The following RAPGEF6 variants were observed in gnomAD, a reference collection of about 807,000 sequenced individuals.
The protein encoded by RAPGEF6 is PDZ domain containing guanine nucleotide exchange factor (GEF) 2.
Under a neutral mutation model 171.4 loss-of-function variants are expected in RAPGEF6, and 56 were observed. The ratio of observed to expected loss-of-function variants is 0.33; its 90% CI spans 0.26 to 0.41. The LOEUF is 0.41. Among genes scored for constraint, RAPGEF6 ranks in the 10% least tolerant of loss-of-function variants. The pLI is 1.00. For missense variants in RAPGEF6, 1,674 were observed against 1,921.4 expected, an observed-to-expected ratio of 0.87 and a Z score of 2.41; for synonymous variants, 692 against 650.1, an observed-to-expected ratio of 1.06 and a Z score of -0.98.
Position 131,612,201 on chromosome 5 carries a change from ATTTTTTTTTT to A in RAPGEF6, c.70-7518_70-7509del, listed in dbSNP as rs35306366. 9.6e-5 allele frequency among the ~76,000 whole-genome samples: 8 copies of A among 83,328 alleles called. 1 individual carries two copies. The highest frequency in any genetic ancestry group is 4.4e-4 in the South Asian group (1 of 2,250). The allele number at this position is 83,328 out of a possible 152,430, so 54.7% of individuals were successfully genotyped here. A position where few individuals can be genotyped will look rare whatever the true frequency, so the allele number is the denominator to read the frequency against. On this transcript the variant is annotated intron_variant, in intron 1 of 27. Coordinates refer to ENST00000509018, the MANE Select transcript of RAPGEF6 (RefSeq NM_016340.6). ...AGGCGTGCACCACCATGCTCAGCTA[ATTTTTTTTTT>A]TTTTTTTTTTTTTTTGGTGATGACA...
intron 6 of RAPGEF6, among the ~76,000 whole-genome samples, chr5:131,528,007 T>TC (rs1561537526): frequency 6.9e-6 from 1 of 144,234 alleles, no homozygotes; most frequent in East Asian, 2.0e-4. Context: ...AGAGTGAGAC[T>TC]CCGTGTCAAA....
At chr5:131,506,259 G>A (rs1361561287) in intron 9 of RAPGEF6, among the ~76,000 whole-genome samples, 1 of 152,150 alleles carries the variant, frequency 6.6e-6, no homozygotes, top group Admixed American at 6.5e-5. Flanking sequence ...TCCTGCCTCA[G>A]CCTTCTGAAT....
intron 17 of RAPGEF6, 143 bp from the exon 18 acceptor site, chr5:131,464,424 C>T: frequency 1.6e-6 from 1 of 633,528 alleles, no homozygotes; most frequent in Non-Finnish European, 2.7e-6. Context: ...GTCACTGTTG[C>T]ATTTATTGAT....
At chr5:131,620,686 G>A (rs968007228) in intron 1 of RAPGEF6, among the ~76,000 whole-genome samples, 1 of 151,910 alleles carries the variant, frequency 6.6e-6, no homozygotes, top group Non-Finnish European at 1.5e-5. Flanking sequence ...CGCCTCCCAG[G>A]TTCAAGCAAT....
At chr5:131,503,547 G>T (rs1437850132) in intron 11 of RAPGEF6, among the ~76,000 whole-genome samples, 1 of 152,180 alleles carries the variant, frequency 6.6e-6, no homozygotes, top group Non-Finnish European at 1.5e-5. Context: ...GGAAGAAGAA[G>T]TATGACATCA....
At chr5:131,535,867 A>C (rs987914140) in intron 6 of RAPGEF6, among the ~76,000 whole-genome samples, 1 of 152,162 alleles carries the variant, frequency 6.6e-6, no homozygotes, top group Non-Finnish European at 1.5e-5. Flanking sequence ...CAACACTGAA[A>C]AGAAGGACAG....
In RAPGEF6 at chr5:131,442,391, G is replaced by A. The variant is rs148756894; in HGVS notation, c.3568C>T (p.His1190Tyr). The A allele has an allele frequency of 8.1e-6, 13 of 1,614,004 alleles. No individual in the cohort carries two copies. Among genetic ancestry groups the A allele is most frequent in the African/African-American group, 4.0e-5 (3 of 74,930 alleles). The change falls in exon 23 of 28, where the codon CAC becomes TAC. Residue 1190 changes from histidine (H) to tyrosine (Y), a missense_variant. Around this residue, in one of 3 missense-constraint regions of RAPGEF6, gnomAD observed 552 missense variants for 574.2 expected, o/e 0.96. Coordinates refer to ENST00000509018, the MANE Select transcript of RAPGEF6 (RefSeq NM_016340.6). ...QVLQVPAVNL[H>Y]PIRKKGQTKD... ...GTTTGTCCCTTCTTCCTGATGGGGTGCAAATTAACAGCTGGCACCTGAAGC... is the reference window on the plus strand; with the variant it reads ...GTTTGTCCCTTCTTCCTGATGGGGTACAAATTAACAGCTGGCACCTGAAGC...
intron 3 of RAPGEF6, among the ~76,000 whole-genome samples, chr5:131,601,329 G>A (rs1764242218): frequency 6.7e-6 from 1 of 149,508 alleles, no homozygotes; most frequent in African/African-American, 2.5e-5. Flanking sequence ...AGGTTGCAGT[G>A]AGCCAAGGTC....
chr5:131,442,390 T>G lies in RAPGEF6; in HGVS notation c.3569A>C (p.His1190Pro). 1 of 1,614,138 alleles carries G rather than the reference T, an allele frequency of 6.2e-7. No individual in the cohort carries two copies. Among genetic ancestry groups the G allele is most frequent in the Non-Finnish European group, 8.5e-7 (1 of 1,179,992 alleles). The part of the protein sequence containing the change: ...QVLQVPAVNL[H>P]PIRKKGQTKD... Reference sequence around the variant, plus strand: ...TGTTTGTCCCTTCTTCCTGATGGGGTGCAAATTAACAGCTGGCACCTGAAG... The same window carrying G: ...TGTTTGTCCCTTCTTCCTGATGGGGGGCAAATTAACAGCTGGCACCTGAAG... Residue 1190 changes from histidine (H) to proline (P), a missense_variant, in exon 23 of 28, where the codon CAC (histidine) becomes CCC (proline). His to Pro is a moderately conservative substitution (Grantham distance 77). This residue lies in a region of RAPGEF6 where 552 missense variants were observed against 574.2 expected (regional missense o/e 0.96). Transcript: ENST00000509018.
At chr5:131,612,002 G>A (rs907491974) in intron 1 of RAPGEF6, among the ~76,000 whole-genome samples, 3 of 151,990 alleles carry the variant, frequency 2.0e-5, no homozygotes, top group Non-Finnish European at 4.4e-5. Context: ...ATGCAAAAGC[G>A]ATATGCATTC....
chr5:131,629,590 C>A (rs377671528), intron 1 of RAPGEF6, among the ~76,000 whole-genome samples: 292 of 116,776 alleles, frequency 2.5e-3, no homozygotes, highest in Middle Eastern at 4.5e-3. Flanking sequence ...CTCGTCTCTA[C>A]AAAAAAAAAA....
At chr5:131,479,785 T>G (rs1438126006) in intron 15 of RAPGEF6, 32 bp from the exon 16 acceptor site, 1 of 1,590,668 alleles carries the variant, frequency 6.3e-7, no homozygotes, top group Non-Finnish European at 8.5e-7. Flanking sequence ...GTCATTTTAT[T>G]TCTTCTCTTC....
chr5:131,438,046 T>G (rs767702374), intron 24 of RAPGEF6, among the ~76,000 whole-genome samples: 1 of 152,214 alleles, frequency 6.6e-6, no homozygotes, highest in Non-Finnish European at 1.5e-5. Context: ...TGGGGTGCAA[T>G]AGCATGATCT....
intron 9 of RAPGEF6, among the ~76,000 whole-genome samples, chr5:131,505,889 A>G (rs976439121): frequency 1.3e-5 from 2 of 152,158 alleles, no homozygotes; most frequent in East Asian, 3.9e-4. Flanking sequence ...TACTGCTACA[A>G]TGGTCATATG....
At chr5:131,551,127 C>T (rs1180699910) in intron 5 of RAPGEF6, among the ~76,000 whole-genome samples, 2 of 152,142 alleles carry the variant, frequency 1.3e-5, no homozygotes, top group African/African-American at 4.8e-5. Context: ...AGGCCATATA[C>T]CAGAAACTGC....
At chr5:131,572,195 C>G (rs1762342538) in intron 4 of RAPGEF6, among the ~76,000 whole-genome samples, 1 of 152,108 alleles carries the variant, frequency 6.6e-6, no homozygotes, top group Non-Finnish European at 1.5e-5. Context: ...CAGGGGAACT[C>G]CTTCGGGAGA....
rs573095545 is a variant in RAPGEF6 at position 131,493,404 on chromosome 5, T to C, written c.1528-619A>G. On this transcript the variant is annotated intron_variant, in intron 13 of 27. Transcript: ENST00000509018. ...AAACTTTTCCTAATACACACTCTACTCCCACCTTGCTTATCTCCTGGCTGT... is the reference window on the plus strand; with the variant it reads ...AAACTTTTCCTAATACACACTCTACCCCCACCTTGCTTATCTCCTGGCTGT... Among the ~76,000 whole-genome samples, 152 of 152,244 alleles carry C rather than the reference T, an allele frequency of 1.0e-3. 1 individual carries two copies. The highest frequency in any genetic ancestry group is 1.7e-3 in the Non-Finnish European group (114 of 67,998).
intron 1 of RAPGEF6, among the ~76,000 whole-genome samples, chr5:131,626,395 T>C (rs1765935974): frequency 6.6e-6 from 1 of 152,134 alleles, no homozygotes; most frequent in Non-Finnish European, 1.5e-5. Flanking sequence ...GGGAGCGATA[T>C]CACTTCCAAC....
intron 6 of RAPGEF6, among the ~76,000 whole-genome samples, chr5:131,523,526 A>G (rs961753345): frequency 6.6e-6 from 1 of 152,034 alleles, no homozygotes; most frequent in African/African-American, 2.4e-5. Context: ...GCTTAATTAA[A>G]GATTTGACAG....
Sources: gnomAD v4.1 joint callset for allele counts (sites outside exome capture counted in the v4.1 genomes callset) on GRCh38, gnomAD v4.1.1 for gene constraint, gnomAD v4.1.1 regional missense constraint, MANE v1.5 for transcripts, NCBI Gene and HGNC (gene_info 2026-07-23, HGNC 2026-07-21) for gene names.